EVI5: variants seen among roughly 807,000 people sequenced by gnomAD.
EVI5 encodes the protein ecotropic viral integration site 5, also known as ecotropic viral integration site 5 protein homolog.
In EVI5, 73 loss-of-function variants were observed where a neutral mutation model predicts 112.0. The ratio of observed to expected loss-of-function variants is 0.65; its 90% CI spans 0.54 to 0.79. The LOEUF (loss-of-function observed/expected upper bound fraction) is 0.79. Among genes scored for constraint, EVI5 ranks in the 30% least tolerant of loss-of-function variants. The pLI, the probability that EVI5 is intolerant of heterozygous loss-of-function variation, is 0.00. For synonymous variants in EVI5, 305 were observed against 319.9 expected, an observed-to-expected ratio of 0.95 and a Z score of 0.50; for missense variants, 900 against 968.8, an observed-to-expected ratio of 0.93 and a Z score of 0.94.
chr1:92,695,285 G>C, intron 7 of EVI5, 25 bp downstream of exon 7: 1 of 1,588,388 alleles, frequency 6.3e-7, no homozygotes, highest in Non-Finnish European at 8.6e-7. Context: ...CTCAGCTCCT[G>C]CTCTTTGTCT....
chr1:92,550,335 T>C (rs1159381481), intron 19 of EVI5, among the ~76,000 whole-genome samples: 1 of 83,790 alleles, frequency 1.2e-5, no homozygotes, highest in Non-Finnish European at 2.1e-5. Flanking sequence ...CATCACACAC[T>C]GGGGCCTGTC....
chr1:92,625,692 T>C (rs1216058661), intron 15 of EVI5, 102 bp downstream of exon 15: 11 of 951,822 alleles, frequency 1.2e-5, no homozygotes, highest in Non-Finnish European at 1.8e-5. Context: ...TCTCTCACTT[T>C]AAACTCATCT....
chr1:92,531,390 C>T (rs1182461895), intron 19 of EVI5, among the ~76,000 whole-genome samples: 1 of 152,124 alleles, frequency 6.6e-6, no homozygotes, highest in Non-Finnish European at 1.5e-5. Flanking sequence ...GAGAGCTTCC[C>T]CAACCTAGCA....
intron 19 of EVI5, among the ~76,000 whole-genome samples, chr1:92,557,397 C>T (rs952993974): frequency 6.6e-6 from 1 of 152,018 alleles, no homozygotes; most frequent in African/African-American, 2.4e-5. Context: ...CATTCTCGTG[C>T]TTCAGCTTCC....
chr1:92,563,536 A>T, intron 19 of EVI5, 106 bp downstream of exon 19: 1 of 546,948 alleles, frequency 1.8e-6, no homozygotes, highest in Non-Finnish European at 3.3e-6. Context: ...TAATTCACAG[A>T]AGATATTCAG....
chr1:92,593,855 G>C (rs999472566), intron 18 of EVI5, among the ~76,000 whole-genome samples: 4 of 152,114 alleles, frequency 2.6e-5, no homozygotes, highest in African/African-American at 7.2e-5. Flanking sequence ...TAGGAATCCA[G>C]CTTACAAGGG....
chr1:92,760,794 C>T (rs1447187369), intron 1 of EVI5, among the ~76,000 whole-genome samples: 1 of 150,178 alleles, frequency 6.7e-6, no homozygotes, highest in East Asian at 2.0e-4. Flanking sequence ...CAGTGGCTCA[C>T]GCCTGTAATC....
At chr1:92,666,857 G>T (rs1195493052) in intron 10 of EVI5, among the ~76,000 whole-genome samples, 1 of 152,156 alleles carries the variant, frequency 6.6e-6, no homozygotes, top group African/African-American at 2.4e-5. Context: ...TTTCTTATGT[G>T]TTTTAACATC....
intron 16 of EVI5, among the ~76,000 whole-genome samples, chr1:92,613,581 C>G (rs758135145): frequency 6.6e-6 from 1 of 152,026 alleles, no homozygotes; most frequent in Admixed American, 6.6e-5. Context: ...TGAGCCACCA[C>G]GCCCAGCCAT....
intron 2 of EVI5, among the ~76,000 whole-genome samples, chr1:92,707,190 A>C (rs1353862110): frequency 1.4e-5 from 2 of 144,444 alleles, no homozygotes; most frequent in Non-Finnish European, 1.5e-5. Flanking sequence ...AAAAAAAAAA[A>C]AAAAAAAAAA....
chr1:92,625,927 T>C lies in EVI5; in HGVS notation c.1535A>G (p.Asn512Ser), dbSNP rs1655573170. 1.3e-6 allele frequency: 2 copies of C among 1,596,872 alleles called. No individual in the cohort carries two copies. The highest frequency in any genetic ancestry group is 1.7e-6 in the Non-Finnish European group (2 of 1,167,790). ...AATATTATTCTCATCAGGAAGGGAGTTATTCCTCTAAAGAAGAAGAAAATT... is the reference window on the plus strand; with the variant it reads ...AATATTATTCTCATCAGGAAGGGAGCTATTCCTCTAAAGAAGAAGAAAATT... ...DKVLDIEKRN[N>S]SLPDENNIAR... Residue 512 changes from asparagine to serine, a missense_variant, in exon 15 of 20, where the codon AAC becomes AGC. Physicochemically the swap from Asn to Ser is conservative, Grantham distance 46 (BLOSUM62 1). Transcript: ENST00000684568.
chr1:92,509,705 C>A lies in EVI5; in HGVS notation c.*3951G>T, dbSNP rs1059267. ...AAGTGTTTTCTTGATCTAAAAGTGT[C>A]TGTTTCATTAACTCAATGCAATTTC... On this transcript the variant is annotated 3_prime_UTR_variant, in exon 20 of 20. Coordinates refer to ENST00000684568, the MANE Select transcript of EVI5 (RefSeq NM_001350197.2). The A allele has an allele frequency of 0.63, 96,154 of 151,936 alleles. 30,955 individuals are homozygous for A. The highest frequency in any genetic ancestry group is 0.92 in the East Asian group (4,773 of 5,180). 9.4% of individuals were successfully genotyped at this position (151,936 alleles called of 1,614,324 possible).
intron 1 of EVI5, among the ~76,000 whole-genome samples, chr1:92,754,377 T>C (rs1680602589): frequency 6.6e-6 from 1 of 152,198 alleles, no homozygotes; most frequent in Non-Finnish European, 1.5e-5. Flanking sequence ...GAGGCAAACA[T>C]GGAAACAATT....
At position 92,780,837 on chromosome 1, in the gene EVI5, GAA is replaced by G. The variant is rs201455148; in HGVS notation, c.-82+3997_-82+3998del. ...TGATACAGTGAGACCTTGTCTCAAA[GAA>G]AAAAAAAAGTAAATTTTTTTTTTTT... is the stretch of plus-strand genomic sequence containing the variant. On this transcript the variant is annotated intron_variant, in intron 1 of 19. Transcript: ENST00000684568. Among the ~76,000 whole-genome samples the G allele has an allele frequency of 1.4e-3, 199 of 142,754 alleles. 1 individual carries two copies. The highest frequency in any genetic ancestry group is 4.9e-3 in the African/African-American group (189 of 38,472). The allele number at this position is 142,754 out of a possible 152,430, so 93.7% of individuals were successfully genotyped here.
chr1:92,786,125 C>T (rs192765878), upstream of EVI5, among the ~76,000 whole-genome samples: 2 of 150,582 alleles, frequency 1.3e-5, no homozygotes, highest in Non-Finnish European at 1.5e-5. Flanking sequence ...TAATAATTAG[C>T]AGCACAAGAA....
chr1:92,682,528 G>C (rs949275625), intron 9 of EVI5, among the ~76,000 whole-genome samples: 1 of 152,130 alleles, frequency 6.6e-6, no homozygotes, highest in African/African-American at 2.4e-5. Flanking sequence ...TTGGGAGGCC[G>C]AGGTGGGTGG....
chr1:92,666,088 T>C, intron 10 of EVI5, 96 bp from the exon 11 acceptor site: 1 of 753,368 alleles, frequency 1.3e-6, no homozygotes, highest in Non-Finnish European at 2.2e-6. Context: ...CTTTTATAAA[T>C]AAGAAAGGAG....
intron 15 of EVI5, among the ~76,000 whole-genome samples, chr1:92,625,410 T>C (rs1339554349): frequency 6.6e-6 from 1 of 152,190 alleles, no homozygotes; most frequent in Admixed American, 6.5e-5. Flanking sequence ...AAGTTACTAA[T>C]TTATACATTA....
At chr1:92,752,352 T>A (rs1213833517) in intron 1 of EVI5, among the ~76,000 whole-genome samples, 1 of 152,088 alleles carries the variant, frequency 6.6e-6, no homozygotes, top group African/African-American at 2.4e-5. Context: ...TTTTTGTATT[T>A]TTAGTAGAGA....
Sources: allele counts gnomAD v4.1 joint callset (sites outside exome capture counted in the v4.1 genomes callset), GRCh38; gene constraint gnomAD v4.1.1; transcripts MANE v1.5; gene names NCBI Gene and HGNC (gene_info 2026-07-23, HGNC 2026-07-21).